GPR55: variants seen among roughly 807,000 people sequenced by gnomAD.
The protein encoded by GPR55 is G protein-coupled receptor 55, also known as G-protein coupled receptor 55.
GPR55 carries 6 observed loss-of-function variants against 7.9 expected under a neutral mutation model. The observed-to-expected ratio is 0.76, with a 90% CI of 0.41 to 1.49. The LOEUF (loss-of-function observed/expected upper bound fraction) is 1.49. Ranked by LOEUF, GPR55 falls within the 40% of genes most tolerant of loss-of-function variation. GPR55 has a pLI of 0.01. For synonymous variants in GPR55, 183 were observed against 166.8 expected, an observed-to-expected ratio of 1.10 and a Z score of -0.75; for missense variants, 376 against 406.0, an observed-to-expected ratio of 0.93 and a Z score of 0.63.
chr2:230,936,618 A>G (rs979660907), intron 1 of GPR55, among the ~76,000 whole-genome samples: 1 of 152,176 alleles, frequency 6.6e-6, no homozygotes, highest in Non-Finnish European at 1.5e-5. Flanking sequence ...ACTGATACGA[A>G]CATCCTGTTG....
chr2:230,910,267 C>T lies in GPR55; in HGVS notation c.696G>A (p.Leu232=). The T allele has an allele frequency of 6.2e-7, 1 of 1,614,052 alleles. No individual in the cohort carries two copies. ...GGAGGAAGGAGACCACGAAGACAGC[C>T]AGGCTGGCTGCGATGCTGTAGATGC... ...KACIYSIAAS[L]AVFVVSFLPV... Residue 232 remains leucine, a synonymous_variant, in exon 2 of 2, where the codon CTG becomes CTA. Coordinates refer to ENST00000650999, the MANE Select transcript of GPR55 (RefSeq NM_005683.4). This position sits in a 1 kb window ranked among gnomAD's most constrained non-coding sequence, Gnocchi z 5.4.
chr2:230,921,050 AT>A (rs201652256), intron 1 of GPR55, among the ~76,000 whole-genome samples: 12 of 150,498 alleles, frequency 8.0e-5, no homozygotes, highest in African/African-American at 1.2e-4. Flanking sequence ...GGACAAAGTA[AT>A]TTTTTTTTTA....
Position 230,922,373 on chromosome 2 carries a change from T to A in GPR55, c.-135+2795A>T, listed in dbSNP as rs542308483. Among the ~76,000 whole-genome samples, 9 of 152,032 alleles carry A rather than the reference T, an allele frequency of 5.9e-5. No individual in the cohort carries two copies. In the South Asian group the frequency reaches 1.9e-3, roughly 32 times the overall value. Reference sequence around the variant, plus strand: ...CGAGCCCGGAGCCCTGGCCTCAATGTGCTGATTTGTTTGTTTGTTTAAGTT... The same window carrying A: ...CGAGCCCGGAGCCCTGGCCTCAATGAGCTGATTTGTTTGTTTGTTTAAGTT... On this transcript the variant is annotated intron_variant, in intron 1 of 1. Coordinates refer to ENST00000650999, the MANE Select transcript of GPR55 (RefSeq NM_005683.4).
chr2:230,930,712 A>G lies in GPR55; in HGVS notation c.-134-19616T>C, dbSNP rs140638327. 2.5e-3 allele frequency among the ~76,000 whole-genome samples: 370 copies of G among 150,994 alleles called. 1 individual carries two copies. Among genetic ancestry groups the G allele is most frequent in the African/African-American group, 8.7e-3 (357 of 41,226 alleles). On this transcript the variant is annotated intron_variant, in intron 1 of 1. Transcript: ENST00000392039. ...AGTCCTGAGCTCAAGCAATCCACCC[A>G]CCTCAGCCTCCCAAAATGTTGGAAT...
chr2:230,921,536 T>C (rs76715980), intron 1 of GPR55, among the ~76,000 whole-genome samples: 3,558 of 152,348 alleles, frequency 0.023, 143 homozygotes, highest in African/African-American at 0.081. Flanking sequence ...TGCATTCTTT[T>C]ACACAGGCTC....
intron 1 of GPR55, among the ~76,000 whole-genome samples, chr2:230,941,745 C>T (rs1691237731): frequency 6.6e-6 from 1 of 152,240 alleles, no homozygotes; most frequent in Non-Finnish European, 1.5e-5. Flanking sequence ...ATCTCCAGCT[C>T]AACTCGGGGT....
chr2:230,951,275 TG>T (rs1230900041), intron 1 of GPR55, among the ~76,000 whole-genome samples: 2 of 152,206 alleles, frequency 1.3e-5, no homozygotes, highest in Non-Finnish European at 2.9e-5. Context: ...ACCCCGCTGC[TG>T]TCCGCGGCTT....
intron 1 of GPR55, among the ~76,000 whole-genome samples, chr2:230,939,877 C>A (rs1314794325): frequency 6.6e-6 from 1 of 152,020 alleles, no homozygotes; most frequent in Non-Finnish European, 1.5e-5. Flanking sequence ...AAGCAGGCTG[C>A]AGCGGGGAGA....
chr2:230,931,174 A>T (rs1691032041), intron 1 of GPR55, among the ~76,000 whole-genome samples: 1 of 152,202 alleles, frequency 6.6e-6, no homozygotes, highest in Non-Finnish European at 1.5e-5. Context: ...ACACTCCAGT[A>T]CCTGGCTCAG....
chr2:230,960,104 G>T (rs1364586584), intron 1 of GPR55, among the ~76,000 whole-genome samples: 1 of 152,150 alleles, frequency 6.6e-6, no homozygotes, highest in Admixed American at 6.5e-5. Context: ...AAACCAACTG[G>T]AGGAAAGAAT....
chr2:230,909,988 C>G lies in GPR55; in HGVS notation c.*15G>C. The G allele has an allele frequency of 1.2e-6, 2 of 1,604,884 alleles. No individual in the cohort carries two copies. Among genetic ancestry groups the G allele is most frequent in the Non-Finnish European group, 1.7e-6 (2 of 1,175,156 alleles). ...AGGGCCAGGGCTTTCTTCCCCTGAA[C>G]AGGATGTCCTTCCGTTAGCCCCGGG... On this transcript the variant is annotated 3_prime_UTR_variant, in exon 2 of 2. Transcript: ENST00000650999.
At chr2:230,937,636 C>T (rs1255035316) in intron 1 of GPR55, among the ~76,000 whole-genome samples, 1 of 151,430 alleles carries the variant, frequency 6.6e-6, no homozygotes, top group Admixed American at 6.6e-5. Flanking sequence ...TTCCAACAGT[C>T]ACCAAAAAAA....
intron 1 of GPR55, among the ~76,000 whole-genome samples, chr2:230,939,203 G>GGT (rs945003461): frequency 1.4e-5 from 2 of 144,956 alleles, no homozygotes; most frequent in African/African-American, 5.8e-5. Flanking sequence ...GTGGAGTTCT[G>GGT]GGGGGGCAGG....
Position 230,944,447 on chromosome 2 carries a change from G to A in GPR55, c.-135+16328C>T, listed in dbSNP as rs1266845832. Among the ~76,000 whole-genome samples the A allele has an allele frequency of 2.0e-5, 3 of 152,172 alleles. No homozygotes were observed. Among genetic ancestry groups the A allele is most frequent in the African/African-American group, 7.2e-5 (3 of 41,432 alleles). On this transcript the variant is annotated intron_variant, in intron 1 of 1. Transcript: ENST00000392039. This position sits in a 1 kb window ranked among gnomAD's most constrained non-coding sequence, Gnocchi z 4.2. ...AAAGCCTGTGGAGGGAGGTGGAGGA[G>A]CCGTGGTTTCCAGTAACCATCGCTG...
chr2:230,916,559 G>A (rs1487823067), intron 1 of GPR55, among the ~76,000 whole-genome samples: 2 of 152,000 alleles, frequency 1.3e-5, no homozygotes, highest in Admixed American at 1.3e-4. Flanking sequence ...TGTGTCCCTA[G>A]AAAGAGACAA....
chr2:230,921,370 T>A (rs993702123), intron 1 of GPR55, among the ~76,000 whole-genome samples: 1 of 152,146 alleles, frequency 6.6e-6, no homozygotes, highest in African/African-American at 2.4e-5. Flanking sequence ...ATGCTCTCTT[T>A]AGAAGAATAG....
rs547586522 is a variant in GPR55 at position 230,944,721 on chromosome 2, C to T, written c.-135+16054G>A. ...TGTACCCCGTAAATACAGACACCTACTATGTACCAGAAAAATTAAAAATAA... is the reference window on the plus strand; with the variant it reads ...TGTACCCCGTAAATACAGACACCTATTATGTACCAGAAAAATTAAAAATAA... On this transcript the variant is annotated intron_variant, in intron 1 of 1. Coordinates refer to the GPR55 transcript ENST00000392039. This position sits in a 1 kb window ranked among gnomAD's most constrained non-coding sequence, Gnocchi z 4.2. Among the ~76,000 whole-genome samples, 2 of 152,328 alleles carry T rather than the reference C, an allele frequency of 1.3e-5. No homozygotes were observed. Among genetic ancestry groups the T allele is most frequent in the East Asian group, 3.9e-4 (2 of 5,186 alleles).
intron 1 of GPR55, among the ~76,000 whole-genome samples, chr2:230,937,821 C>T (rs886287848): frequency 3.9e-5 from 6 of 151,942 alleles, no homozygotes; most frequent in Non-Finnish European, 8.8e-5. Flanking sequence ...CCACAACCAC[C>T]AAACAGAATA....
At position 230,924,029 on chromosome 2, in the gene GPR55, A is replaced by G. The variant is rs541352023; in HGVS notation, c.-135+1139T>C. ...CCACATCATCTGATGTGGTTTTCCC[A>G]GTGCAGTCCTGAGTGGGTGCCTTGA... On this transcript the variant is annotated intron_variant, in intron 1 of 1. Transcript: ENST00000650999. This position sits in a 1 kb window ranked among gnomAD's most constrained non-coding sequence, Gnocchi z 4.5. 3.4e-4 allele frequency among the ~76,000 whole-genome samples: 51 copies of G among 152,220 alleles called. No individual in the cohort carries two copies. Among genetic ancestry groups the G allele is most frequent in the Middle Eastern group, 3.4e-3 (1 of 294 alleles).
Sources: allele counts gnomAD v4.1 joint callset (sites outside exome capture counted in the v4.1 genomes callset), GRCh38; gene constraint gnomAD v4.1.1; non-coding constraint Gnocchi (gnomAD v3.1); transcripts MANE v1.5; gene names NCBI Gene and HGNC (gene_info 2026-07-23, HGNC 2026-07-21).